Variants in SDK1 observed in about 807,000 individuals in gnomAD.
The protein encoded by SDK1 is sidekick cell adhesion molecule 1.
Under a neutral mutation model 245.5 loss-of-function variants are expected in SDK1, and 157 were observed. The observed-to-expected ratio is 0.64, with a 90% CI of 0.56 to 0.73. The LOEUF is 0.73. Among genes scored for constraint, SDK1 ranks in the 30% least tolerant of loss-of-function variants. The probability of loss-of-function intolerance (pLI) is 0.00; values close to 1 mark genes in which losing one functional copy is unlikely to be tolerated. For synonymous variants in SDK1, 1,647 were observed against 1,278.5 expected, an observed-to-expected ratio of 1.29 and a Z score of -6.15; for missense variants, 3,583 against 3,002.3, an observed-to-expected ratio of 1.19 and a Z score of -4.52.
chr7:3,566,862 C>T (rs774186203), intron 1 of SDK1, among the ~76,000 whole-genome samples: 5 of 151,896 alleles, frequency 3.3e-5, no homozygotes, highest in Admixed American at 6.6e-5. Context: ...AAATAAGAAT[C>T]GAAGCAGTAA....
chr7:4,106,936 C>T (rs1053606778), intron 22 of SDK1, among the ~76,000 whole-genome samples: 24 of 151,926 alleles, frequency 1.6e-4, no homozygotes, highest in African/African-American at 5.3e-4. Context: ...CAGGAAGCCC[C>T]CAGGCCTCAG....
intron 1 of SDK1, among the ~76,000 whole-genome samples, chr7:3,464,533 G>A (rs943474162): frequency 6.6e-6 from 1 of 151,950 alleles, no homozygotes; most frequent in Admixed American, 6.6e-5. Context: ...AAAATACAAA[G>A]GTATTAAAGT....
At chr7:3,782,381 A>G (rs889435516) in intron 4 of SDK1, among the ~76,000 whole-genome samples, 1 of 152,222 alleles carries the variant, frequency 6.6e-6, no homozygotes, top group African/African-American at 2.4e-5. Context: ...ACCTCCCATC[A>G]GGCCTCACCT....
chr7:4,157,934 T>G (rs912356729), intron 30 of SDK1, among the ~76,000 whole-genome samples: 5 of 152,064 alleles, frequency 3.3e-5, no homozygotes, highest in Non-Finnish European at 7.4e-5. Flanking sequence ...AGTAAAGAGC[T>G]CCAGGAGGAC....
chr7:3,635,131 G>A (rs1782416778), intron 2 of SDK1, among the ~76,000 whole-genome samples: 1 of 152,028 alleles, frequency 6.6e-6, no homozygotes, highest in Non-Finnish European at 1.5e-5. Flanking sequence ...CTCCTGGTCT[G>A]GATTTGTAAT....
rs774307438 is a variant in SDK1, at chr7:3,639,107, G to T, written c.562G>T (p.Ala188Ser). ...GCAAAGAAAATCAGAAGTTCAAGTCGCATGTATGTGTACAGTAAGGAGATG... is the reference window on the plus strand; with the variant it reads ...GCAAAGAAAATCAGAAGTTCAAGTCTCATGTATGTGTACAGTAAGGAGATG... ...LLQRKSEVQV[A>S]YMGSFMDTDQ... The change falls in exon 3 of 45, where the codon GCA becomes TCA. Residue 188 changes from alanine (A) to serine (S), a missense_variant. Coordinates refer to ENST00000404826, the MANE Select transcript of SDK1 (RefSeq NM_152744.4). 1.4e-5 allele frequency: 22 copies of T among 1,580,224 alleles called. No individual in the cohort carries two copies. The East Asian group carries it at 4.0e-4, about 29-fold the overall frequency.
At chr7:4,113,511 G>A (rs965111700) in intron 24 of SDK1, 72 bp downstream of exon 24, 49 of 1,525,790 alleles carry the variant, frequency 3.2e-5, no homozygotes, top group Non-Finnish European at 4.1e-5. Flanking sequence ...CTAATCCAGG[G>A]CTTAGGAGTT....
At chr7:3,909,162 GC>G (rs1449475048) in intron 5 of SDK1, among the ~76,000 whole-genome samples, 1 of 152,194 alleles carries the variant, frequency 6.6e-6, no homozygotes, top group East Asian at 1.9e-4. Flanking sequence ...AGGGTCCAAG[GC>G]AGACCATCTT....
intron 38 of SDK1, among the ~76,000 whole-genome samples, chr7:4,217,737 G>A (rs1392185780): frequency 6.6e-6 from 1 of 152,154 alleles, no homozygotes; most frequent in Non-Finnish European, 1.5e-5. Flanking sequence ...TAATGGTGGT[G>A]GTTTATGGGA....
chr7:4,194,116 TTCTG>T (rs1487243651), intron 35 of SDK1, among the ~76,000 whole-genome samples: 9 of 152,240 alleles, frequency 5.9e-5, no homozygotes, highest in Admixed American at 3.9e-4. Flanking sequence ...ATCCTGAATA[TTCTG>T]TCTCTCTAGA....
chr7:3,821,227 C>T (rs1035670995), intron 4 of SDK1, among the ~76,000 whole-genome samples: 3 of 150,884 alleles, frequency 2.0e-5, no homozygotes, highest in African/African-American at 7.4e-5. Flanking sequence ...ATGTGGAGCA[C>T]CCGGTAGGCT....
In SDK1 at chr7:4,077,138, G is replaced by T. The variant is rs182031589; in HGVS notation, c.3151G>T (p.Val1051Leu). The part of the protein sequence containing the change: ...YTIDVAAVTA[V>L]GTGLVTSSTI... ...CATCGACGTGGCCGCTGTGACTGCC[G>T]TGGGCACTGGCCTGGTGACTTCATC... is the stretch of plus-strand genomic sequence containing the variant. Residue 1051 changes from valine to leucine, a missense_variant, in exon 21 of 45, where the codon GTG (valine) becomes TTG (leucine). By Grantham distance (32) the Val-to-Leu change is conservative (BLOSUM62 1). Transcript: ENST00000404826. 7 of 1,614,092 alleles carry T rather than the reference G, an allele frequency of 4.3e-6. No individual in the cohort carries two copies. The highest frequency in any genetic ancestry group is 2.2e-5 in the East Asian group (1 of 44,890).
At chr7:3,893,433 A>G (rs948549863) in intron 5 of SDK1, among the ~76,000 whole-genome samples, 3 of 152,046 alleles carry the variant, frequency 2.0e-5, no homozygotes, top group Admixed American at 6.6e-5. Flanking sequence ...TTGTGGGGAT[A>G]AATGAGCCGG....
At chr7:4,136,165 G>T (rs751113205) in intron 28 of SDK1, among the ~76,000 whole-genome samples, 1 of 152,160 alleles carries the variant, frequency 6.6e-6, no homozygotes, top group Non-Finnish European at 1.5e-5. Context: ...TACCTGCGAG[G>T]CAGACAACGT....
intron 4 of SDK1, among the ~76,000 whole-genome samples, chr7:3,760,948 C>T (rs769241053): frequency 1.3e-5 from 2 of 152,174 alleles, no homozygotes; most frequent in Non-Finnish European, 2.9e-5. Context: ...AACTCTTCAT[C>T]TGTTGAAGAA....
At chr7:4,233,091 G>A (rs1459190774) in intron 40 of SDK1, 164 bp from the exon 41 acceptor site, 4 of 610,462 alleles carry the variant, frequency 6.6e-6, no homozygotes, top group African/African-American at 1.8e-5. Flanking sequence ...TCTTCGACTT[G>A]CGAAACTGAG....
intron 43 of SDK1, among the ~76,000 whole-genome samples, chr7:4,244,647 G>C (rs1450338637): frequency 6.6e-6 from 1 of 152,224 alleles, no homozygotes; most frequent in Non-Finnish European, 1.5e-5. Flanking sequence ...GTCTCCCTGG[G>C]GCAGGAGTCT....
At chr7:3,525,399 T>A (rs1351866740) in intron 1 of SDK1, among the ~76,000 whole-genome samples, 2 of 152,138 alleles carry the variant, frequency 1.3e-5, no homozygotes, top group East Asian at 3.8e-4. Flanking sequence ...CCTGGGGTTG[T>A]TTGACTCAGT....
intron 1 of SDK1, among the ~76,000 whole-genome samples, chr7:3,554,497 T>C (rs1027678684): frequency 2.6e-5 from 4 of 151,876 alleles, no homozygotes; most frequent in African/African-American, 9.7e-5. Flanking sequence ...TGAGGAGAGA[T>C]AGAGAAAGAT....
Sources: gnomAD v4.1 joint callset for allele counts (sites outside exome capture counted in the v4.1 genomes callset) on GRCh38, gnomAD v4.1.1 for gene constraint, MANE v1.5 for transcripts, NCBI Gene and HGNC (gene_info 2026-07-23, HGNC 2026-07-21) for gene names.